The following KALRN variants were observed in gnomAD, a reference collection of about 807,000 sequenced individuals.
The protein encoded by KALRN is kalirin.
KALRN carries 70 observed loss-of-function variants against 353.7 expected under a neutral mutation model. The observed-to-expected ratio is 0.20, with a 90% CI of 0.16 to 0.24. KALRN has a LOEUF of 0.24. KALRN is among the 10% of genes least tolerant of loss of function. KALRN has a pLI of 1.00. For synonymous variants in KALRN, 1,391 were observed against 1,434.8 expected (o/e 0.97, Z 0.69); for missense variants, 2,791 against 3,756.7 (o/e 0.74, Z 6.72).
chr3:124,655,895 G>A (rs1213117840), intron 39 of KALRN, among the ~76,000 whole-genome samples: 1 of 152,190 alleles, frequency 6.6e-6, no homozygotes, highest in Non-Finnish European at 1.5e-5. Flanking sequence ...ATAGCATTTG[G>A]GGGAGCCTCT....
chr3:124,089,277 G>A (rs1228445266), intron 1 of KALRN, among the ~76,000 whole-genome samples: 1 of 152,168 alleles, frequency 6.6e-6, no homozygotes, highest in Non-Finnish European at 1.5e-5. Context: ...TGGAGGGGAT[G>A]GAGAAGGGCA....
intron 1 of KALRN, among the ~76,000 whole-genome samples, chr3:124,154,685 C>T (rs565280493): frequency 2.6e-5 from 4 of 152,262 alleles, no homozygotes; most frequent in Admixed American, 2.0e-4. Flanking sequence ...GGCCATACTG[C>T]CCAAGGTAAT....
intron 33 of KALRN, among the ~76,000 whole-genome samples, chr3:124,505,908 T>G (rs2065163080): frequency 6.6e-6 from 1 of 152,212 alleles, no homozygotes; most frequent in Admixed American, 6.5e-5. Flanking sequence ...TGAAAATTCT[T>G]GCCTGGGTTT....
intron 1 of KALRN, among the ~76,000 whole-genome samples, chr3:124,093,041 A>T (rs2061214694): frequency 6.6e-6 from 1 of 152,186 alleles, no homozygotes; most frequent in Non-Finnish European, 1.5e-5. Flanking sequence ...TTGGGTGGTG[A>T]TGTCTCTGCC....
chr3:124,631,062 C>G (rs182376399), intron 34 of KALRN, among the ~76,000 whole-genome samples: 3 of 152,320 alleles, frequency 2.0e-5, no homozygotes, highest in East Asian at 3.9e-4. Flanking sequence ...ACCTATCAGG[C>G]AGCATTTGAC....
chr3:124,245,660 G>GTTT (rs71884682), intron 3 of KALRN, among the ~76,000 whole-genome samples: 3 of 119,778 alleles, frequency 2.5e-5, no homozygotes, highest in African/African-American at 8.2e-5. Context: ...GTTATTTTCT[G>GTTT]TTTTTTTTTG....
At chr3:124,443,659 A>T (rs2093739137) in intron 19 of KALRN, among the ~76,000 whole-genome samples, 1 of 152,232 alleles carries the variant, frequency 6.6e-6, no homozygotes, top group Admixed American at 6.5e-5. Flanking sequence ...GAGACCACAT[A>T]TCCCACCTAC....
At chr3:124,194,706 C>G (rs1162024985) in intron 1 of KALRN, among the ~76,000 whole-genome samples, 2 of 152,128 alleles carry the variant, frequency 1.3e-5, no homozygotes, top group African/African-American at 4.8e-5. Context: ...GAAGGTGTAT[C>G]TCCTGGTGCA....
At chr3:124,274,078 G>A (rs1017334820) in intron 5 of KALRN, among the ~76,000 whole-genome samples, 1 of 152,242 alleles carries the variant, frequency 6.6e-6, no homozygotes, top group African/African-American at 2.4e-5. Context: ...TAGACTCATT[G>A]TAGATGTGCC....
At chr3:124,607,559 G>A (rs2081336382) in intron 34 of KALRN, among the ~76,000 whole-genome samples, 1 of 152,132 alleles carries the variant, frequency 6.6e-6, no homozygotes, top group Non-Finnish European at 1.5e-5. Flanking sequence ...CATACTTGTA[G>A]CCAATAATTT....
At chr3:124,403,141 G>C (rs1205369020) in intron 13 of KALRN, among the ~76,000 whole-genome samples, 1 of 152,092 alleles carries the variant, frequency 6.6e-6, no homozygotes, top group African/African-American at 2.4e-5. Context: ...CCCCTTCCCC[G>C]AGGAGCTCTC....
chr3:124,289,909 A>G (rs897994825), intron 5 of KALRN, among the ~76,000 whole-genome samples: 2 of 152,176 alleles, frequency 1.3e-5, no homozygotes, highest in African/African-American at 4.8e-5. Context: ...CCGGGTGGAT[A>G]TTCACATGGA....
chr3:124,052,904 G>A (rs1316988351), intron 1 of KALRN, among the ~76,000 whole-genome samples: 1 of 152,184 alleles, frequency 6.6e-6, no homozygotes, highest in Non-Finnish European at 1.5e-5. Context: ...ATTCCTAGCA[G>A]AGGAAGAAAG....
intron 19 of KALRN, among the ~76,000 whole-genome samples, chr3:124,443,392 G>A (rs987642358): frequency 2.6e-5 from 4 of 152,168 alleles, no homozygotes; most frequent in South Asian, 2.1e-4. Flanking sequence ...TAGGGTGCGT[G>A]GTCTGCTTAA....
chr3:124,285,499 T>C lies in KALRN; in HGVS notation c.970-13292T>C, dbSNP rs144072126. Among the ~76,000 whole-genome samples, 334 of 152,324 alleles carry C rather than the reference T, an allele frequency of 2.2e-3. 3 individuals are homozygous for C. The highest frequency in any genetic ancestry group is 7.8e-3 in the African/African-American group (324 of 41,568). On this transcript the variant is annotated intron_variant, in intron 5 of 59. Coordinates refer to ENST00000682506, the MANE Select transcript of KALRN (RefSeq NM_001388419.1). Reference sequence around the variant, plus strand: ...CAAAATTGCATTTGTATCCTTTAAATTTATACAAATAAAAAAATTAATTAA... The same window carrying C: ...CAAAATTGCATTTGTATCCTTTAAACTTATACAAATAAAAAAATTAATTAA...
intron 33 of KALRN, among the ~76,000 whole-genome samples, chr3:124,557,536 G>C (rs770402894): frequency 6.6e-6 from 1 of 152,294 alleles, no homozygotes; most frequent in East Asian, 1.9e-4. Context: ...TTTTGCACAG[G>C]AGTTGGCAGG....
chr3:124,446,999 G>T, intron 21 of KALRN, 114 bp downstream of exon 21: 1 of 1,216,336 alleles, frequency 8.2e-7, no homozygotes, highest in Non-Finnish European at 1.2e-6. Context: ...GGCTACAGTG[G>T]CAAGGGGGGA....
At chr3:124,491,628 T>C in intron 31 of KALRN, 1 of 402,444 alleles carries the variant, frequency 2.5e-6, no homozygotes, top group Non-Finnish European at 4.4e-6. Context: ...TCTCCTCAAG[T>C]GCATGCACAT....
intron 1 of KALRN, among the ~76,000 whole-genome samples, chr3:124,128,545 G>A (rs2064938859): frequency 6.6e-6 from 1 of 152,124 alleles, no homozygotes; most frequent in African/African-American, 2.4e-5. Context: ...CATCCAGAGG[G>A]CAAATGTTCC....
Sources: gnomAD v4.1 joint callset for allele counts (sites outside exome capture counted in the v4.1 genomes callset) on GRCh38, gnomAD v4.1.1 for gene constraint, MANE v1.5 for transcripts, NCBI Gene and HGNC (gene_info 2026-07-23, HGNC 2026-07-21) for gene names.